Variants in AGAP1 observed in about 807,000 individuals in gnomAD.
AGAP1 encodes the protein ArfGAP with GTPase domain, ankyrin repeat and PH domain 1, also known as arf-GAP with GTPase, ANK repeat and PH domain-containing protein 1.
A neutral mutation model predicts 105.3 loss-of-function variants in AGAP1; 29 were observed. The observed-to-expected ratio is 0.28, with a 90% CI of 0.21 to 0.38. The LOEUF (loss-of-function observed/expected upper bound fraction) is 0.38, where lower values mean the gene tolerates loss of function less well. AGAP1 is among the 10% of genes least tolerant of loss of function. The pLI is 1.00. For synonymous variants in AGAP1, 509 were observed against 485.9 expected (o/e 1.05, Z -0.63); for missense variants, 998 against 1,165.1 (o/e 0.86, Z 2.09).
At chr2:235,933,822 C>A (rs921497493) in intron 12 of AGAP1, among the ~76,000 whole-genome samples, 1 of 151,960 alleles carries the variant, frequency 6.6e-6, no homozygotes, top group African/African-American at 2.4e-5. Flanking sequence ...TGAGCCACCG[C>A]GCCCGGCCTT....
At chr2:235,731,680 C>T (rs1419894849) in intron 3 of AGAP1, among the ~76,000 whole-genome samples, 1 of 152,040 alleles carries the variant, frequency 6.6e-6, no homozygotes, top group South Asian at 2.1e-4. Flanking sequence ...AGCAGTCATT[C>T]GTTAATTTTT....
In AGAP1 at chr2:235,577,674, C is replaced by T. The variant is rs990878176; in HGVS notation, c.163+82825C>T. Among the ~76,000 whole-genome samples the T allele has an allele frequency of 2.6e-5, 4 of 152,042 alleles. No homozygotes were observed. Among genetic ancestry groups the T allele is most frequent in the South Asian group, 2.1e-4 (1 of 4,812 alleles). ...AACTCTGAGCATTCGGAACATTCGCCGAGTGGAACGTGTGTGTCGTCATCC... is the reference window on the plus strand; with the variant it reads ...AACTCTGAGCATTCGGAACATTCGCTGAGTGGAACGTGTGTGTCGTCATCC... On this transcript the variant is annotated intron_variant, in intron 1 of 17. Coordinates refer to ENST00000304032, the MANE Select transcript of AGAP1 (RefSeq NM_001037131.3). This position sits in a 1 kb window ranked among gnomAD's most constrained non-coding sequence, Gnocchi z 4.5.
intron 16 of AGAP1, among the ~76,000 whole-genome samples, chr2:236,068,546 A>ATCCCAGC (rs1262632363): frequency 6.6e-6 from 1 of 151,944 alleles, no homozygotes; most frequent in Non-Finnish European, 1.5e-5. Flanking sequence ...CACGCCTGTA[A>ATCCCAGC]TCCCAGCACT....
intron 1 of AGAP1, among the ~76,000 whole-genome samples, chr2:235,666,656 C>T (rs928261002): frequency 6.6e-6 from 1 of 150,752 alleles, no homozygotes; most frequent in Non-Finnish European, 1.5e-5. Flanking sequence ...TTCTTCTACT[C>T]CGCAGCCCGC....
At chr2:235,598,056 C>T (rs1186009130) in intron 1 of AGAP1, among the ~76,000 whole-genome samples, 3 of 121,012 alleles carry the variant, frequency 2.5e-5, no homozygotes, top group African/African-American at 1.0e-4. Flanking sequence ...TCCCGTGTTT[C>T]CTTTGGGTGG....
chr2:235,697,908 C>T (rs996517535), intron 1 of AGAP1, among the ~76,000 whole-genome samples: 1 of 152,172 alleles, frequency 6.6e-6, no homozygotes, highest in African/African-American at 2.4e-5. Flanking sequence ...ATCAACTTGT[C>T]TTAACTTCAG....
rs1246598980 is a variant in AGAP1, at chr2:235,655,568, G to C, written c.164-53611G>C. ...ACTCCTAGTTGGGAATATCTAACCT[G>C]TGTTGAGTACCTGTATCTGATGAGT... On this transcript the variant is annotated intron_variant, in intron 1 of 17. Coordinates refer to ENST00000304032, the MANE Select transcript of AGAP1 (RefSeq NM_001037131.3). The surrounding 1 kb of genome is among the most constrained non-coding windows in gnomAD (Gnocchi z 4.3). Among the ~76,000 whole-genome samples, 1 of 152,156 alleles carries C rather than the reference G, an allele frequency of 6.6e-6. No homozygotes were observed. The highest frequency in any genetic ancestry group is 1.5e-5 in the Non-Finnish European group (1 of 68,030).
At chr2:235,533,149 C>T (rs1195761298) in intron 1 of AGAP1, among the ~76,000 whole-genome samples, 1 of 152,142 alleles carries the variant, frequency 6.6e-6, no homozygotes, top group Non-Finnish European at 1.5e-5. Flanking sequence ...TACAGCTCTG[C>T]TGTGGATGTT....
intron 2 of AGAP1, among the ~76,000 whole-genome samples, chr2:235,711,155 G>A (rs1040306142): frequency 1.4e-4 from 22 of 152,340 alleles, no homozygotes; most frequent in Admixed American, 7.2e-4. Flanking sequence ...CACGGCTGGC[G>A]CCATGTGGCT....
In AGAP1 at chr2:236,128,945, AAGG is replaced by A. The variant is rs1248582358; in HGVS notation, c.*4829_*4831del. 1.3e-5 allele frequency: 2 copies of A among 152,212 alleles called. No individual in the cohort carries two copies. Among genetic ancestry groups the A allele is most frequent in the African/African-American group, 4.8e-5 (2 of 41,448 alleles). 9.4% of individuals were successfully genotyped at this position (152,212 alleles called of 1,614,324 possible). A position where few individuals can be genotyped will look rare whatever the true frequency, so the allele number is the denominator to read the frequency against. Reference sequence around the variant, plus strand: ...CAAGCAAACAAATTGAAAAGCAGTCAAGGAGGAGTTCAGATAGAAAAGTGCTGG... The same window carrying A: ...CAAGCAAACAAATTGAAAAGCAGTCAAGGAGTTCAGATAGAAAAGTGCTGG... On this transcript the variant is annotated 3_prime_UTR_variant, in exon 18 of 18. Transcript: ENST00000304032. The surrounding 1 kb of genome is among the most constrained non-coding windows in gnomAD (Gnocchi z 5.9).
chr2:235,607,893 G>A (rs1266705727), intron 1 of AGAP1, among the ~76,000 whole-genome samples: 1 of 152,232 alleles, frequency 6.6e-6, no homozygotes, highest in Non-Finnish European at 1.5e-5. Context: ...ATATCTAGAT[G>A]TTGTGTTCTA....
intron 1 of AGAP1, among the ~76,000 whole-genome samples, chr2:235,629,314 G>GTA (rs1447742569): frequency 2.9e-5 from 3 of 103,866 alleles, no homozygotes; most frequent in African/African-American, 1.0e-4. Flanking sequence ...GTGTGTGTGT[G>GTA]TGTGTATGTG....
chr2:236,124,334 G>A lies in AGAP1; in HGVS notation c.*212G>A, dbSNP rs1402974767. The A allele has an allele frequency of 2.7e-5, 17 of 622,020 alleles. No individual in the cohort carries two copies. The highest frequency in any genetic ancestry group is 4.8e-5 in the Non-Finnish European group (17 of 357,382). The allele number at this position is 622,020 out of a possible 1,614,324, so 38.5% of individuals were successfully genotyped here. A position where few individuals can be genotyped will look rare whatever the true frequency, so the allele number is the denominator to read the frequency against. Reference sequence around the variant, plus strand: ...AGGCGGCCGGGAGACTGCAGAAGTGGCTCCTTTTCATAAACTCCCCTAAAC... The same window carrying A: ...AGGCGGCCGGGAGACTGCAGAAGTGACTCCTTTTCATAAACTCCCCTAAAC... On this transcript the variant is annotated 3_prime_UTR_variant, in exon 18 of 18. Coordinates refer to ENST00000304032, the MANE Select transcript of AGAP1 (RefSeq NM_001037131.3). The surrounding 1 kb of genome is among the most constrained non-coding windows in gnomAD (Gnocchi z 5.1).
rs981276230 is a variant in AGAP1 at position 235,865,097 on chromosome 2, C to T, written c.1051-18248C>T. Among the ~76,000 whole-genome samples, 2 of 152,182 alleles carry T rather than the reference C, an allele frequency of 1.3e-5. No homozygotes were observed. The highest frequency in any genetic ancestry group is 2.9e-5 in the Non-Finnish European group (2 of 68,046). On this transcript the variant is annotated intron_variant, in intron 9 of 17. Coordinates refer to ENST00000304032, the MANE Select transcript of AGAP1 (RefSeq NM_001037131.3). The surrounding 1 kb of genome is among the most constrained non-coding windows in gnomAD (Gnocchi z 6.2). ...ATCATTATTAAAATGTGAAGTGTGT[C>T]GGTCACAAAGCATACATTTCGGGGC...
chr2:235,638,285 A>G (rs945116753), intron 1 of AGAP1, among the ~76,000 whole-genome samples: 20 of 152,020 alleles, frequency 1.3e-4, no homozygotes, highest in Admixed American at 1.1e-3. Context: ...TTACCCTGAG[A>G]TGTGCTGTGA....
In AGAP1 at chr2:235,808,389, G is replaced by A. The variant is rs6714192; in HGVS notation, c.1050+1058G>A. Among the ~76,000 whole-genome samples, 824 of 152,314 alleles carry A rather than the reference G, an allele frequency of 5.4e-3. 8 individuals are homozygous for A. Among genetic ancestry groups the A allele is most frequent in the African/African-American group, 0.019 (773 of 41,574 alleles). ...AAAAGGGGAGAGTCTTTCCACACATGGAGTTGGATTATTCTGGTGGTGCAG... is the reference window on the plus strand; with the variant it reads ...AAAAGGGGAGAGTCTTTCCACACATAGAGTTGGATTATTCTGGTGGTGCAG... On this transcript the variant is annotated intron_variant, in intron 9 of 17. Coordinates refer to ENST00000304032, the MANE Select transcript of AGAP1 (RefSeq NM_001037131.3).
chr2:235,987,108 GTTATTTATTTAT>G (rs59663970), intron 13 of AGAP1, among the ~76,000 whole-genome samples: 136 of 147,798 alleles, frequency 9.2e-4, no homozygotes, highest in African/African-American at 3.2e-3. Context: ...GCTTTTTATT[GTTATTTATTTAT>G]TTATTTATTT....
rs1361437108 is a variant in AGAP1 at position 235,687,354 on chromosome 2, G to A, written c.164-21825G>A. ...GGTTCCATCAGGTGTAATGATTTCA[G>A]TTTTAGTGTTCCTAGGTGGGGAGTG... On this transcript the variant is annotated intron_variant, in intron 1 of 17. Coordinates refer to ENST00000304032, the MANE Select transcript of AGAP1 (RefSeq NM_001037131.3). 3.9e-5 allele frequency among the ~76,000 whole-genome samples: 6 copies of A among 152,282 alleles called. 1 individual carries two copies. The South Asian group carries it at 6.2e-4, about 16-fold the overall frequency.
rs566369541 is a variant in AGAP1 at position 235,737,857 on chromosome 2, T to G, written c.311-3106T>G. Among the ~76,000 whole-genome samples, 30 of 152,102 alleles carry G rather than the reference T, an allele frequency of 2.0e-4. No individual in the cohort carries two copies. Among genetic ancestry groups the G allele is most frequent in the Admixed American group, 1.8e-3 (27 of 15,274 alleles). ...CACAGTCTAGGGATCTAGTGAGGAA[T>G]GGGACCTGGGGCCAGCGTGCTTGGA... On this transcript the variant is annotated intron_variant, in intron 3 of 17. Transcript: ENST00000304032. This position sits in a 1 kb window ranked among gnomAD's most constrained non-coding sequence, Gnocchi z 4.5.
Sources: gnomAD v4.1 joint callset for allele counts (sites outside exome capture counted in the v4.1 genomes callset) on GRCh38, gnomAD v4.1.1 for gene constraint, Gnocchi (gnomAD v3.1) non-coding constraint, MANE v1.5 for transcripts, NCBI Gene and HGNC (gene_info 2026-07-23, HGNC 2026-07-21) for gene names.